The following ARHGAP32 variants were observed in gnomAD, a reference collection of about 807,000 sequenced individuals.
ARHGAP32 encodes Rho GTPase activating protein 32.
ARHGAP32 carries 51 observed loss-of-function variants against 186.5 expected under a neutral mutation model. That is an observed-to-expected ratio of 0.27 (90% CI 0.22 to 0.35). The LOEUF (loss-of-function observed/expected upper bound fraction) is 0.35, where lower values mean the gene tolerates loss of function less well. ARHGAP32 is among the 10% of genes least tolerant of loss of function. The probability of loss-of-function intolerance (pLI) is 1.00; values close to 1 mark genes in which losing one functional copy is unlikely to be tolerated. For synonymous variants in ARHGAP32, 950 were observed against 964.3 expected (o/e 0.99, Z 0.27); for missense variants, 2,186 against 2,623.5 (o/e 0.83, Z 3.64).
chr11:129,117,768 C>A (rs760195919), intron 5 of ARHGAP32, among the ~76,000 whole-genome samples: 1 of 151,634 alleles, frequency 6.6e-6, no homozygotes, highest in Non-Finnish European at 1.5e-5. Flanking sequence ...TATCCTTTTC[C>A]CCCCCTACAC....
intron 15 of ARHGAP32, among the ~76,000 whole-genome samples, chr11:128,983,513 A>T (rs573876420): frequency 1.8e-4 from 28 of 151,500 alleles, no homozygotes; most frequent in African/African-American, 6.8e-4. Context: ...GGGAAGGGGG[A>T]GGGATAGCAT....
chr11:129,084,685 C>A (rs779854087), intron 6 of ARHGAP32, among the ~76,000 whole-genome samples: 1 of 152,146 alleles, frequency 6.6e-6, no homozygotes, highest in African/African-American at 2.4e-5. Context: ...CTACAAAAAA[C>A]GTACAGCTAA....
intron 1 of ARHGAP32, among the ~76,000 whole-genome samples, chr11:129,178,584 C>T (rs1330267520): frequency 6.6e-6 from 1 of 151,594 alleles, no homozygotes; most frequent in East Asian, 1.9e-4. Flanking sequence ...GGTACTGGTA[C>T]CAAAACAGAG....
intron 1 of ARHGAP32, among the ~76,000 whole-genome samples, chr11:129,183,097 T>A (rs1007318145): frequency 6.6e-6 from 1 of 152,158 alleles, no homozygotes; most frequent in South Asian, 2.1e-4. Flanking sequence ...GTACATATCA[T>A]CTCCATTAGC....
chr11:129,030,639 A>C (rs1404404200), intron 11 of ARHGAP32: 2 of 152,250 alleles, frequency 1.3e-5, no homozygotes, highest in Admixed American at 1.3e-4. Context: ...TTCAAATAAA[A>C]CAGAAATTTG....
intron 1 of ARHGAP32, among the ~76,000 whole-genome samples, chr11:129,202,357 A>C (rs1240957801): frequency 1.3e-5 from 2 of 152,136 alleles, no homozygotes; most frequent in Non-Finnish European, 2.9e-5. Flanking sequence ...ATACCACAGA[A>C]GTCAATGAAA....
At chr11:129,032,042 C>T (rs1939137658) in intron 11 of ARHGAP32, among the ~76,000 whole-genome samples, 1 of 152,162 alleles carries the variant, frequency 6.6e-6, no homozygotes, top group Non-Finnish European at 1.5e-5. Context: ...TTCTACCGCT[C>T]AATAAAATCC....
chr11:129,096,842 A>C (rs1941743614), intron 5 of ARHGAP32, among the ~76,000 whole-genome samples: 3 of 152,158 alleles, frequency 2.0e-5, no homozygotes, highest in Non-Finnish European at 4.4e-5. Flanking sequence ...CCTTTGGGAA[A>C]ATATAATAGA....
At chr11:128,981,000 T>C (rs1945691597) in intron 17 of ARHGAP32, among the ~76,000 whole-genome samples, 1 of 152,230 alleles carries the variant, frequency 6.6e-6, no homozygotes, top group African/African-American at 2.4e-5. Flanking sequence ...AGCTTTATAT[T>C]AAATAAAAAA....
chr11:129,213,155 C>T (rs554282455), intron 1 of ARHGAP32, among the ~76,000 whole-genome samples: 14 of 152,224 alleles, frequency 9.2e-5, no homozygotes, highest in South Asian at 4.2e-4. Context: ...GTATTCACTT[C>T]GTAGTTCCGC....
chr11:129,064,976 T>C (rs746100271), intron 7 of ARHGAP32, 43 bp from the exon 8 acceptor site: 48 of 1,467,056 alleles, frequency 3.3e-5, no homozygotes, highest in East Asian at 4.9e-5. Context: ...AAAGATACTA[T>C]GCTCTCTGGC....
intron 11 of ARHGAP32, among the ~76,000 whole-genome samples, chr11:129,028,126 AATTACT>A (rs1488945356): frequency 6.6e-6 from 1 of 152,240 alleles, no homozygotes; most frequent in Non-Finnish European, 1.5e-5. Flanking sequence ...AAAAGACGCA[AATTACT>A]ATAAAATACA....
At chr11:129,086,005 CAAACAAACAAACAAAA>C (rs1941378727) in intron 6 of ARHGAP32, among the ~76,000 whole-genome samples, 2 of 131,552 alleles carry the variant, frequency 1.5e-5, no homozygotes, top group South Asian at 4.6e-4. Context: ...AAAAAACAAA[CAAACAAACAAACAAAA>C]AAAAAAAACA....
intron 11 of ARHGAP32, among the ~76,000 whole-genome samples, chr11:129,014,145 AG>A (rs1465917860): frequency 6.6e-6 from 1 of 152,244 alleles, no homozygotes; most frequent in Non-Finnish European, 1.5e-5. Flanking sequence ...AATGTTATTT[AG>A]ACATGACACA....
intron 5 of ARHGAP32, among the ~76,000 whole-genome samples, chr11:129,096,762 G>A (rs1366969462): frequency 2.6e-5 from 4 of 152,202 alleles, no homozygotes; most frequent in Admixed American, 2.0e-4. Flanking sequence ...TGGCTAAAGT[G>A]ACTGGCAGCA....
At chr11:129,172,067 G>C (rs139374596) in intron 1 of ARHGAP32, among the ~76,000 whole-genome samples, 1 of 152,034 alleles carries the variant, frequency 6.6e-6, no homozygotes, top group Non-Finnish European at 1.5e-5. Context: ...GGAGTTTTTG[G>C]GCTGAGATGA....
At chr11:129,197,396 G>A (rs181439225) in intron 1 of ARHGAP32, among the ~76,000 whole-genome samples, 6 of 152,246 alleles carry the variant, frequency 3.9e-5, no homozygotes, top group Admixed American at 2.0e-4. Context: ...CTCTGACATC[G>A]TTGTTCCTGT....
At chr11:129,038,360 G>A (rs1939441978) in intron 11 of ARHGAP32, among the ~76,000 whole-genome samples, 1 of 151,954 alleles carries the variant, frequency 6.6e-6, no homozygotes, top group African/African-American at 2.4e-5. Context: ...ATCTAAAACT[G>A]TAAACCTCTC....
chr11:129,227,473 TTA>T (rs1491181027), intron 1 of ARHGAP32, among the ~76,000 whole-genome samples: 1 of 88,684 alleles, frequency 1.1e-5, no homozygotes, highest in African/African-American at 4.1e-5. Context: ...CATTGACAGT[TTA>T]AAAAAAAAAA....
Sources: gnomAD v4.1 joint callset for allele counts (sites outside exome capture counted in the v4.1 genomes callset) on GRCh38, gnomAD v4.1.1 for gene constraint, MANE v1.5 for transcripts, NCBI Gene and HGNC (gene_info 2026-07-23, HGNC 2026-07-21) for gene names.